Variants in KCND2 observed in about 807,000 individuals in gnomAD.
KCND2 encodes A-type voltage-gated potassium channel KCND2.
KCND2 carries 16 observed loss-of-function variants against 54.4 expected under a neutral mutation model. That is an observed-to-expected ratio of 0.29 (90% CI 0.20 to 0.45). KCND2 has a LOEUF of 0.45. Ranked by LOEUF, KCND2 falls within the 20% of genes least tolerant of loss-of-function variation. The pLI is 1.00. For synonymous variants in KCND2, 317 were observed against 310.7 expected, an observed-to-expected ratio of 1.02 and a Z score of -0.21; for missense variants, 486 against 824.2, an observed-to-expected ratio of 0.59 and a Z score of 5.02.
intron 1 of KCND2, among the ~76,000 whole-genome samples, chr7:120,690,680 T>C (rs991655786): frequency 6.6e-6 from 1 of 152,152 alleles, no homozygotes; most frequent in Non-Finnish European, 1.5e-5. Flanking sequence ...CAAGCTATAT[T>C]CCTAATAATC....
Position 120,748,871 on chromosome 7 carries a change from T to G in KCND2, c.*1013T>G, listed in dbSNP as rs367977399. On this transcript the variant is annotated 3_prime_UTR_variant, in exon 6 of 6. Coordinates refer to ENST00000331113, the MANE Select transcript of KCND2 (RefSeq NM_012281.3). ...TTTATCATCATCAACAAGACTACTG[T>G]TTACTGTAGTTCAAGTGACTTTCCT... 6.6e-6 allele frequency: 1 copy of G among 151,962 alleles called. No individual in the cohort carries two copies. The highest frequency in any genetic ancestry group is 2.4e-5 in the African/African-American group (1 of 41,430). The allele number at this position is 151,962 out of a possible 1,614,324, so 9.4% of individuals were successfully genotyped here.
At chr7:120,745,485 C>A (rs1792994447) in intron 4 of KCND2, among the ~76,000 whole-genome samples, 1 of 151,012 alleles carries the variant, frequency 6.6e-6, no homozygotes, top group Non-Finnish European at 1.5e-5. Flanking sequence ...TTATCATATA[C>A]CTTCCAGATT....
In KCND2 at chr7:120,401,107, T is replaced by TG. The variant is rs1381509826; in HGVS notation, c.1115+125362dup. The stretch of plus-strand genomic sequence containing the variant: ...TATGGACAGATTACAGGACAGCCTA[T>TG]GGATCCAGTGTTCCAATTGGACTGC... On this transcript the variant is annotated intron_variant, in intron 1 of 5. Coordinates refer to ENST00000331113, the MANE Select transcript of KCND2 (RefSeq NM_012281.3). Among the ~76,000 whole-genome samples, 11 of 152,254 alleles carry TG rather than the reference T, an allele frequency of 7.2e-5. No individual in the cohort carries two copies. In the East Asian group the frequency reaches 1.9e-3, roughly 27 times the overall value.
chr7:120,528,099 G>C (rs1036393793), intron 1 of KCND2, among the ~76,000 whole-genome samples: 1 of 151,964 alleles, frequency 6.6e-6, no homozygotes, highest in Non-Finnish European at 1.5e-5. Context: ...TTACTTCTCT[G>C]CTACAAAGAC....
chr7:120,335,869 C>G lies in KCND2; in HGVS notation c.1115+60122C>G, dbSNP rs555566024. On this transcript the variant is annotated intron_variant, in intron 1 of 5. Coordinates refer to ENST00000331113, the MANE Select transcript of KCND2 (RefSeq NM_012281.3). ...TTGCCATTTACAAGTAAAACTTCAC[C>G]AAACTTTTTACACTAGAAACACAGA... Among the ~76,000 whole-genome samples, 3 of 152,298 alleles carry G rather than the reference C, an allele frequency of 2.0e-5. No homozygotes were observed. In the South Asian group the frequency reaches 6.2e-4, roughly 32 times the overall value.
At chr7:120,591,865 G>A (rs927433181) in intron 1 of KCND2, among the ~76,000 whole-genome samples, 9 of 152,042 alleles carry the variant, frequency 5.9e-5, no homozygotes, top group African/African-American at 1.2e-4. Flanking sequence ...TAATTCCTTC[G>A]ACGTAATAGA....
At chr7:120,622,485 T>TTATATATATATATA (rs370315618) in intron 1 of KCND2, among the ~76,000 whole-genome samples, 13 of 150,986 alleles carry the variant, frequency 8.6e-5, no homozygotes, top group African/African-American at 2.9e-4. Context: ...TGCGAAATTG[T>TTATATATATATATA]TATATATATA....
chr7:120,453,813 A>G (rs1325765615), intron 1 of KCND2, among the ~76,000 whole-genome samples: 1 of 152,228 alleles, frequency 6.6e-6, no homozygotes, highest in Non-Finnish European at 1.5e-5. Context: ...GAGTCCAGGC[A>G]CAATGGCTCA....
At chr7:120,681,526 T>TTCTC (rs144959260) in intron 1 of KCND2, among the ~76,000 whole-genome samples, 71 of 148,624 alleles carry the variant, frequency 4.8e-4, no homozygotes, top group African/African-American at 1.6e-3. Flanking sequence ...AACAAATAAG[T>TTCTC]TCTCTCTCTC....
At chr7:120,626,693 A>C (rs1211898704) in intron 1 of KCND2, among the ~76,000 whole-genome samples, 3 of 152,244 alleles carry the variant, frequency 2.0e-5, no homozygotes, top group Admixed American at 6.5e-5. Flanking sequence ...GTATAGATTC[A>C]ATATGCAAAT....
At chr7:120,706,820 C>T (rs899292105) in intron 1 of KCND2, among the ~76,000 whole-genome samples, 3 of 152,106 alleles carry the variant, frequency 2.0e-5, no homozygotes, top group Non-Finnish European at 4.4e-5. Context: ...CATTTTCAGG[C>T]TGTATACTTA....
rs908076391 is a variant in KCND2 at position 120,748,928 on chromosome 7, A to G, written c.*1070A>G. ...GTATTTCCAAAAAAAATTATCTTGT[A>G]AGTAGCTTGTCATCAATCCCCTTGT... On this transcript the variant is annotated 3_prime_UTR_variant, in exon 6 of 6. Transcript: ENST00000331113. The G allele has an allele frequency of 6.6e-6, 1 of 151,926 alleles. No homozygotes were observed. Among genetic ancestry groups the G allele is most frequent in the Non-Finnish European group, 1.5e-5 (1 of 67,856 alleles). 9.4% of individuals were successfully genotyped at this position (151,926 alleles called of 1,614,324 possible).
chr7:120,346,898 C>G (rs190934476), intron 1 of KCND2, among the ~76,000 whole-genome samples: 1 of 152,152 alleles, frequency 6.6e-6, no homozygotes, highest in African/African-American at 2.4e-5. Flanking sequence ...ATACTAAGTG[C>G]TATTTTGTTC....
At chr7:120,377,174 A>G (rs1800844759) in intron 1 of KCND2, among the ~76,000 whole-genome samples, 1 of 151,992 alleles carries the variant, frequency 6.6e-6, no homozygotes, top group South Asian at 2.1e-4. Context: ...TCTAAAGCTG[A>G]AAGTAATAAT....
intron 1 of KCND2, among the ~76,000 whole-genome samples, chr7:120,478,478 A>G (rs982628811): frequency 1.3e-5 from 2 of 152,170 alleles, no homozygotes; most frequent in Non-Finnish European, 2.9e-5. Context: ...CACTGCTAGT[A>G]TCATCTTTTC....
rs138494262 is a variant in KCND2 at position 120,728,213 on chromosome 7, A to C, written c.1116-4690A>C. 4.4e-3 allele frequency among the ~76,000 whole-genome samples: 659 copies of C among 151,494 alleles called. 6 individuals carry two copies. The highest frequency in any genetic ancestry group is 0.011 in the Admixed American group (161 of 15,218). On this transcript the variant is annotated intron_variant, in intron 1 of 5. Coordinates refer to ENST00000331113, the MANE Select transcript of KCND2 (RefSeq NM_012281.3). ...GTTTCCTTTCAATTAACGATGTTCA[A>C]GTTGCTGTGTTATCTAAAATATTTG...
intron 1 of KCND2, among the ~76,000 whole-genome samples, chr7:120,321,778 T>C (rs17142635): frequency 0.057 from 8,689 of 152,166 alleles, 473 homozygotes; most frequent in African/African-American, 0.14. Context: ...CCATATTTCA[T>C]GATTAAGTCT....
intron 1 of KCND2, among the ~76,000 whole-genome samples, chr7:120,286,026 A>C (rs568827953): frequency 3.7e-4 from 56 of 152,048 alleles, no homozygotes; most frequent in Non-Finnish European, 7.2e-4. Flanking sequence ...TCTTAAAAAA[A>C]GCTAAAGGGA....
At chr7:120,682,477 A>G (rs1489136002) in intron 1 of KCND2, among the ~76,000 whole-genome samples, 1 of 152,118 alleles carries the variant, frequency 6.6e-6, no homozygotes, top group Non-Finnish European at 1.5e-5. Context: ...TATTCTTTCT[A>G]TAAGACAAAA....
Sources: allele counts gnomAD v4.1 joint callset (sites outside exome capture counted in the v4.1 genomes callset), GRCh38; gene constraint gnomAD v4.1.1; transcripts MANE v1.5; gene names NCBI Gene and HGNC (gene_info 2026-07-23, HGNC 2026-07-21).